Variants in RWDD4 observed in about 807,000 individuals in gnomAD.
RWDD4 encodes RWD domain-containing protein 4.
In RWDD4, 16 loss-of-function variants were observed where a neutral mutation model predicts 30.0. The observed-to-expected ratio is 0.53, with a 90% CI of 0.36 to 0.81. The LOEUF (loss-of-function observed/expected upper bound fraction) is 0.81. Among genes scored for constraint, RWDD4 ranks in the 30% least tolerant of loss-of-function variants. The pLI is 0.00. For missense variants in RWDD4, 170 were observed against 223.9 expected (o/e 0.76, Z 1.54); for synonymous variants, 45 against 72.1 (o/e 0.62, Z 1.90).
chr4:183,646,226 TTACA>T (rs1435333809), intron 7 of RWDD4, 121 bp downstream of exon 7: 2 of 667,606 alleles, frequency 3.0e-6, no homozygotes, highest in Admixed American at 5.3e-5. Context: ...TAAGATGTGC[TTACA>T]TAGTCATACT....
intron 2 of RWDD4, among the ~76,000 whole-genome samples, chr4:183,652,787 C>T (rs1224061918): frequency 7.1e-6 from 1 of 141,100 alleles, no homozygotes; most frequent in Non-Finnish European, 1.5e-5. Flanking sequence ...TACAGCCTGG[C>T]AACAGAGCAA....
rs1228258827 is a variant in RWDD4, at chr4:183,639,763, A to C, written c.*1673T>G. ...ACGGCAATATTGATGAGGCTGTTCA[A>C]GTGTTTTACATAAGGTAATAAGAGG... On this transcript the variant is annotated 3_prime_UTR_variant, in exon 8 of 8. Coordinates refer to ENST00000326397, the MANE Select transcript of RWDD4 (RefSeq NM_152682.4). 1 of 152,646 alleles carries C rather than the reference A, an allele frequency of 6.6e-6. No homozygotes were observed. Among genetic ancestry groups the C allele is most frequent in the Non-Finnish European group, 1.5e-5 (1 of 68,046 alleles). The allele number at this position is 152,646 out of a possible 1,614,324, so 9.5% of individuals were successfully genotyped here.
intron 7 of RWDD4, 95 bp from the exon 8 acceptor site, chr4:183,641,563 T>A: frequency 1.1e-6 from 1 of 922,734 alleles, no homozygotes; most frequent in Non-Finnish European, 1.7e-6. Flanking sequence ...CAACGAGGCT[T>A]AAGTAACTTA....
intron 7 of RWDD4, among the ~76,000 whole-genome samples, chr4:183,643,089 A>G: frequency 7.2e-6 from 1 of 138,632 alleles, no homozygotes; most frequent in Admixed American, 7.3e-5. Context: ...TAAATAAATA[A>G]ATAAATAAAT....
chr4:183,642,796 C>T (rs979334611), intron 7 of RWDD4, among the ~76,000 whole-genome samples: 17 of 151,910 alleles, frequency 1.1e-4, no homozygotes, highest in South Asian at 2.1e-4. Context: ...CGGTGGCTCA[C>T]GCCTGTAATC....
At chr4:183,648,501 CT>C (rs2111237366) in intron 5 of RWDD4, among the ~76,000 whole-genome samples, 1 of 152,236 alleles carries the variant, frequency 6.6e-6, no homozygotes, top group East Asian at 1.9e-4. Context: ...TTATTATCTT[CT>C]TCTAAAGAAC....
At chr4:183,653,305 A>G (rs571567455) in intron 2 of RWDD4, among the ~76,000 whole-genome samples, 25 of 152,058 alleles carry the variant, frequency 1.6e-4, no homozygotes, top group Admixed American at 3.9e-4. Flanking sequence ...GAGGTGGCTC[A>G]TGTCTGTAAT....
At chr4:183,657,043 C>T (rs1054446933) in intron 1 of RWDD4, among the ~76,000 whole-genome samples, 1 of 152,088 alleles carries the variant, frequency 6.6e-6, no homozygotes, top group East Asian at 1.9e-4. Context: ...GCAACAACAA[C>T]AGCAAAAAGA....
chr4:183,644,778 A>AG (rs1168049472), intron 7 of RWDD4, among the ~76,000 whole-genome samples: 36 of 141,806 alleles, frequency 2.5e-4, no homozygotes, highest in African/African-American at 9.9e-4. Flanking sequence ...ACTCGGCTTC[A>AG]AAAAAAAAAA....
chr4:183,653,742 A>G (rs1734128535), intron 2 of RWDD4: 2 of 152,232 alleles, frequency 1.3e-5, no homozygotes, highest in Admixed American at 6.5e-5. Flanking sequence ...ATAAAAAGTG[A>G]TAAAAGTTAC....
chr4:183,642,213 A>G (rs6850141), intron 7 of RWDD4, among the ~76,000 whole-genome samples: 43,547 of 87,982 alleles, frequency 0.49, 12,233 homozygotes, highest in African/African-American at 0.63. Flanking sequence ...TTTTTGAGAC[A>G]GAGTCTCGCT....
chr4:183,649,944 G>A (rs750371502), intron 4 of RWDD4, among the ~76,000 whole-genome samples: 1 of 152,068 alleles, frequency 6.6e-6, no homozygotes, highest in Non-Finnish European at 1.5e-5. Flanking sequence ...GTGAACACTT[G>A]ACAATTTAAA....
rs1190059768 is a variant in RWDD4, at chr4:183,640,050, A to T, written c.*1386T>A. 2.6e-5 allele frequency: 4 copies of T among 151,840 alleles called. No homozygotes were observed. The highest frequency in any genetic ancestry group is 5.9e-5 in the Non-Finnish European group (4 of 67,996). The allele number at this position is 151,840 out of a possible 1,614,324, so 9.4% of individuals were successfully genotyped here. On this transcript the variant is annotated 3_prime_UTR_variant, in exon 8 of 8. Transcript: ENST00000326397. ...AAGTTGCCATATTCCAGTGGTCCTG[A>T]ATTTTAACATGTTTTGCTCTACATT... is the stretch of plus-strand genomic sequence containing the variant.
intron 2 of RWDD4, 36 bp downstream of exon 2, chr4:183,655,845 A>G (rs1734182435): frequency 7.7e-7 from 1 of 1,301,268 alleles, no homozygotes; most frequent in East Asian, 2.3e-5. Flanking sequence ...CTTTTCTAGA[A>G]AAGTTCTAAG....
chr4:183,658,225 A>C (rs1259988117), intron 1 of RWDD4, among the ~76,000 whole-genome samples: 1 of 152,200 alleles, frequency 6.6e-6, no homozygotes, highest in African/African-American at 2.4e-5. Context: ...CCACCCAATA[A>C]GACCTGGTTT....
At chr4:183,650,627 C>G (rs973914844) in intron 4 of RWDD4, among the ~76,000 whole-genome samples, 3 of 152,128 alleles carry the variant, frequency 2.0e-5, no homozygotes, top group Non-Finnish European at 4.4e-5. Context: ...AAGCCTCATG[C>G]AGAAAGCAAT....
At position 183,658,416 on chromosome 4, in the gene RWDD4, C is replaced by T. The variant is rs186094282; in HGVS notation, c.24+513G>A. On this transcript the variant is annotated intron_variant, in intron 1 of 7. Transcript: ENST00000326397. ...AATATTTGAGCATAAACCATAAATT[C>T]AGGTGGTACATGAATGCTCAAAACA... Among the ~76,000 whole-genome samples, 967 of 152,282 alleles carry T rather than the reference C, an allele frequency of 6.4e-3. 3 individuals carry two copies. Among genetic ancestry groups the T allele is most frequent in the Non-Finnish European group, 9.9e-3 (674 of 68,016 alleles).
intron 6 of RWDD4, 50 bp from the exon 7 acceptor site, chr4:183,646,403 A>C: frequency 6.4e-7 from 1 of 1,561,048 alleles, no homozygotes; most frequent in South Asian, 1.1e-5. Context: ...AAAGGTTGTG[A>C]AGGGGAAAAC....
In RWDD4 at chr4:183,659,137, T is replaced by C. The variant is rs912880387; in HGVS notation, c.-185A>G. Reference sequence around the variant, plus strand: ...CTCGGCAGCGCCCAGCCGCCGGCAGTGGGCTGTGGGCTACGAGCCGGAGCC... The same window carrying C: ...CTCGGCAGCGCCCAGCCGCCGGCAGCGGGCTGTGGGCTACGAGCCGGAGCC... On this transcript the variant is annotated 5_prime_UTR_variant, in exon 1 of 8. Coordinates refer to ENST00000326397, the MANE Select transcript of RWDD4 (RefSeq NM_152682.4). The C allele has an allele frequency of 1.2e-4, 52 of 421,980 alleles. No individual in the cohort carries two copies. The East Asian group carries it at 1.6e-3, about 13-fold the overall frequency. 26.1% of individuals were successfully genotyped at this position (421,980 alleles called of 1,614,324 possible). A position where few individuals can be genotyped will look rare whatever the true frequency, so the allele number is the denominator to read the frequency against.
Sources: gnomAD v4.1 joint callset for allele counts (sites outside exome capture counted in the v4.1 genomes callset) on GRCh38, gnomAD v4.1.1 for gene constraint, MANE v1.5 for transcripts, NCBI Gene and HGNC (gene_info 2026-07-23, HGNC 2026-07-21) for gene names.